The following KCNMA1 variants were observed in gnomAD, a reference collection of about 807,000 sequenced individuals.
KCNMA1 encodes the protein potassium calcium-activated channel subfamily M alpha 1.
Under a neutral mutation model 140.0 loss-of-function variants are expected in KCNMA1, and 29 were observed. The observed-to-expected ratio is 0.21, with a 90% CI of 0.15 to 0.28. The LOEUF (loss-of-function observed/expected upper bound fraction) is 0.28, where lower values mean the gene tolerates loss of function less well. KCNMA1 is among the 10% of genes least tolerant of loss of function. The pLI is 1.00. For synonymous variants in KCNMA1, 612 were observed against 611.9 expected, an observed-to-expected ratio of 1.00 and a Z score of 0.00; for missense variants, 880 against 1,602.2, an observed-to-expected ratio of 0.55 and a Z score of 7.70.
At chr10:77,209,449 A>G (rs1209157966) in intron 3 of KCNMA1, among the ~76,000 whole-genome samples, 1 of 152,226 alleles carries the variant, frequency 6.6e-6, no homozygotes, top group East Asian at 1.9e-4. Flanking sequence ...GCTGGAACAG[A>G]ACATGATAGA....
In KCNMA1 at chr10:77,637,772, G is replaced by A. The variant is rs900994916; in HGVS notation, c.-130C>T. Reference sequence around the variant, plus strand: ...GCCGCCGCCGCCGCGGAGCGCGGGAGGGGGGCGGGGAGGCGCCTGGGCTCG... The same window carrying A: ...GCCGCCGCCGCCGCGGAGCGCGGGAAGGGGGCGGGGAGGCGCCTGGGCTCG... On this transcript the variant is annotated 5_prime_UTR_variant, in exon 1 of 28. Coordinates refer to ENST00000286628, the MANE Select transcript of KCNMA1 (RefSeq NM_001161352.2). The A allele has an allele frequency of 6.9e-6, 9 of 1,299,012 alleles. No homozygotes were observed. The highest frequency in any genetic ancestry group is 2.7e-5 in the South Asian group (1 of 37,260). The allele number at this position is 1,299,012 out of a possible 1,614,324, so 80.5% of individuals were successfully genotyped here.
At chr10:77,172,718 C>G (rs1244889420) in intron 5 of KCNMA1, among the ~76,000 whole-genome samples, 2 of 149,522 alleles carry the variant, frequency 1.3e-5, no homozygotes, top group East Asian at 2.0e-4. Context: ...AAAAAAAGCT[C>G]AAGCCAAGAG....
At chr10:77,289,169 T>C (rs2072218697) in intron 2 of KCNMA1, among the ~76,000 whole-genome samples, 1 of 151,968 alleles carries the variant, frequency 6.6e-6, no homozygotes. Flanking sequence ...CCAAACCCAT[T>C]CTCCTAATTA....
At chr10:77,151,341 C>T (rs1458389030) in intron 5 of KCNMA1, among the ~76,000 whole-genome samples, 1 of 38 alleles carries the variant, frequency 0.026, no homozygotes, top group Non-Finnish European at 0.038. Flanking sequence ...ATTCCCGGGC[C>T]TCAGCCTCCC....
intron 2 of KCNMA1, among the ~76,000 whole-genome samples, chr10:77,364,932 T>C (rs952942680): frequency 1.3e-5 from 2 of 152,210 alleles, no homozygotes; most frequent in African/African-American, 4.8e-5. Context: ...CGGGCTAGAA[T>C]CTGAACCTGC....
At chr10:77,047,932 G>A (rs1353362182) in intron 14 of KCNMA1, among the ~76,000 whole-genome samples, 2 of 152,044 alleles carry the variant, frequency 1.3e-5, no homozygotes, top group Non-Finnish European at 2.9e-5. Flanking sequence ...CCCATCTGAG[G>A]TGAGGGACCA....
chr10:76,975,066 T>G (rs1409541997), intron 19 of KCNMA1, among the ~76,000 whole-genome samples: 2 of 152,126 alleles, frequency 1.3e-5, no homozygotes, highest in Non-Finnish European at 2.9e-5. Context: ...TGCCGTGAGT[T>G]TGCCACTCCT....
intron 2 of KCNMA1, among the ~76,000 whole-genome samples, chr10:77,355,744 C>T (rs900211003): frequency 7.2e-5 from 11 of 152,144 alleles, no homozygotes; most frequent in Non-Finnish European, 1.6e-4. Context: ...AATACATGCC[C>T]TTTATTATTT....
intron 23 of KCNMA1, chr10:76,939,173 T>G (rs1015238346): frequency 8.1e-6 from 1 of 123,890 alleles, no homozygotes; most frequent in East Asian, 2.6e-4. Context: ...CAGGCTGGAG[T>G]GCAGTGGCAT....
chr10:77,424,881 T>C (rs960962194), intron 1 of KCNMA1, among the ~76,000 whole-genome samples: 1 of 152,240 alleles, frequency 6.6e-6, no homozygotes, highest in South Asian at 2.1e-4. Context: ...CTCACTGTGA[T>C]TTTAATTTCA....
chr10:77,457,620 C>T (rs1210424961), intron 1 of KCNMA1, among the ~76,000 whole-genome samples: 1 of 152,108 alleles, frequency 6.6e-6, no homozygotes, highest in East Asian at 1.9e-4. Flanking sequence ...TCTCCTTGGA[C>T]ACCTTTATAA....
At chr10:76,961,904 C>A (rs1339727415) in intron 20 of KCNMA1, among the ~76,000 whole-genome samples, 2 of 152,140 alleles carry the variant, frequency 1.3e-5, no homozygotes, top group South Asian at 2.1e-4. Flanking sequence ...TGCTTTATTG[C>A]GATATTCACT....
chr10:76,991,330 C>G (rs1342068687), intron 19 of KCNMA1, among the ~76,000 whole-genome samples: 1 of 152,190 alleles, frequency 6.6e-6, no homozygotes, highest in Non-Finnish European at 1.5e-5. Context: ...TGGATTTTTG[C>G]CTATGTGGTT....
chr10:76,901,069 G>C (rs1194845203), intron 25 of KCNMA1, among the ~76,000 whole-genome samples: 1 of 152,046 alleles, frequency 6.6e-6, no homozygotes. Flanking sequence ...CCACAGACTG[G>C]AGTCTCATAA....
intron 5 of KCNMA1, among the ~76,000 whole-genome samples, chr10:77,168,669 TAATAAC>T (rs2098669944): frequency 6.6e-6 from 1 of 152,258 alleles, no homozygotes; most frequent in Admixed American, 6.5e-5. Context: ...GCTATAATAA[TAATAAC>T]AATAACAAGA....
chr10:76,910,420 G>GT, intron 24 of KCNMA1: 3 of 352,948 alleles, frequency 8.5e-6, no homozygotes, highest in South Asian at 7.1e-5. Flanking sequence ...ACTTTCCAGT[G>GT]TTTTTTGGTA....
intron 20 of KCNMA1, among the ~76,000 whole-genome samples, chr10:76,962,072 C>T (rs564433583): frequency 6.6e-6 from 1 of 152,280 alleles, no homozygotes; most frequent in East Asian, 1.9e-4. Context: ...AGAAAAAGCT[C>T]GCCTTGAAGA....
At chr10:77,598,058 G>A (rs552803086) in intron 1 of KCNMA1, among the ~76,000 whole-genome samples, 7 of 152,128 alleles carry the variant, frequency 4.6e-5, no homozygotes, top group Admixed American at 2.6e-4. Flanking sequence ...TGCAACCTCC[G>A]CCTCCCAGGT....
At chr10:77,098,620 A>T (rs2097004702) in intron 9 of KCNMA1, among the ~76,000 whole-genome samples, 1 of 152,160 alleles carries the variant, frequency 6.6e-6, no homozygotes, top group Non-Finnish European at 1.5e-5. Flanking sequence ...CAGCAAAAAA[A>T]TAAGTTTCTG....
Sources: allele counts gnomAD v4.1 joint callset (sites outside exome capture counted in the v4.1 genomes callset), GRCh38; gene constraint gnomAD v4.1.1; transcripts MANE v1.5; gene names NCBI Gene and HGNC (gene_info 2026-07-23, HGNC 2026-07-21).